Variants in COL25A1 observed in about 807,000 individuals in gnomAD.
COL25A1 encodes the protein collagen alpha-1(XXV) chain.
COL25A1 carries 103 observed loss-of-function variants against 128.4 expected under a neutral mutation model. The observed-to-expected ratio is 0.80, with a 90% CI of 0.68 to 0.94. The LOEUF (loss-of-function observed/expected upper bound fraction) is 0.94. Ranked by LOEUF, COL25A1 falls within the 40% of genes least tolerant of loss-of-function variation. The pLI is 0.00. For synonymous variants in COL25A1, 279 were observed against 277.2 expected, an observed-to-expected ratio of 1.01 and a Z score of -0.06; for missense variants, 745 against 840.0, an observed-to-expected ratio of 0.89 and a Z score of 1.40.
chr4:108,834,850 G>A (rs1478478070), intron 31 of COL25A1, among the ~76,000 whole-genome samples: 1 of 152,142 alleles, frequency 6.6e-6, no homozygotes, highest in African/African-American at 2.4e-5. Flanking sequence ...AAGAGCTCTG[G>A]TTATACTTGT....
intron 3 of COL25A1, among the ~76,000 whole-genome samples, chr4:109,296,726 C>T (rs1043855795): frequency 2.2e-4 from 34 of 151,954 alleles, no homozygotes; most frequent in African/African-American, 5.8e-4. Flanking sequence ...TTCTTTATTC[C>T]GCATCCACAT....
At chr4:109,162,155 CA>C (rs1772637748) in intron 3 of COL25A1, among the ~76,000 whole-genome samples, 1 of 152,006 alleles carries the variant, frequency 6.6e-6, no homozygotes, top group African/African-American at 2.4e-5. Flanking sequence ...GAAGATATAA[CA>C]GGGGAAATAT....
chr4:108,823,781 G>T, intron 35 of COL25A1: 1 of 450,630 alleles, frequency 2.2e-6, no homozygotes, highest in Non-Finnish European at 3.4e-6. Context: ...CTGGGAAGTA[G>T]TGAAGACAAG....
intron 3 of COL25A1, among the ~76,000 whole-genome samples, chr4:109,145,939 C>T (rs1324301601): frequency 9.2e-5 from 14 of 152,158 alleles, no homozygotes; most frequent in Non-Finnish European, 1.5e-5. Flanking sequence ...TATATTATCT[C>T]CATGCTACAG....
At chr4:108,837,683 C>A (rs963714885) in intron 31 of COL25A1, among the ~76,000 whole-genome samples, 2 of 152,128 alleles carry the variant, frequency 1.3e-5, no homozygotes, top group Non-Finnish European at 2.9e-5. Flanking sequence ...TCCATACCTG[C>A]CACCAACAGA....
At chr4:108,829,511 C>T (rs765300151) in intron 32 of COL25A1, among the ~76,000 whole-genome samples, 20 of 151,810 alleles carry the variant, frequency 1.3e-4, no homozygotes, top group Non-Finnish European at 2.6e-4. Context: ...AAGGGAGGAG[C>T]CACATAAACT....
intron 3 of COL25A1, among the ~76,000 whole-genome samples, chr4:109,059,293 A>T (rs575841712): frequency 3.9e-5 from 6 of 152,234 alleles, no homozygotes; most frequent in Non-Finnish European, 8.8e-5. Context: ...AACAGCACAT[A>T]GGTAGTAAAT....
At chr4:109,119,192 G>C (rs1162169084) in intron 3 of COL25A1, among the ~76,000 whole-genome samples, 1 of 152,056 alleles carries the variant, frequency 6.6e-6, no homozygotes, top group East Asian at 1.9e-4. Flanking sequence ...ACCAAAATTT[G>C]TGGAATGTAG....
intron 3 of COL25A1, among the ~76,000 whole-genome samples, chr4:109,254,022 G>C (rs1780860266): frequency 6.6e-6 from 1 of 151,506 alleles, no homozygotes; most frequent in African/African-American, 2.4e-5. Context: ...AGGAGGCAGA[G>C]CTTGCAGTGA....
chr4:108,816,747 A>T (rs1440388258), intron 37 of COL25A1, among the ~76,000 whole-genome samples: 1 of 152,138 alleles, frequency 6.6e-6, no homozygotes, highest in East Asian at 1.9e-4. Flanking sequence ...TTATGGAGTC[A>T]TTGTGTGGAT....
chr4:108,819,268 T>A lies in COL25A1; in HGVS notation c.1907A>T (p.Asp636Val). 2 of 1,610,770 alleles carry A rather than the reference T, an allele frequency of 1.2e-6. No individual in the cohort carries two copies. Among genetic ancestry groups the A allele is most frequent in the Non-Finnish European group, 1.7e-6 (2 of 1,178,850 alleles). ...ATACTGTACCAATTGGCAAGGGGCA[T>A]CCAGCCCATCCAGGCCAGGCTGGCC... ...EPGQPGLDGL[D>V]APCQLGPDGL... The change falls in exon 36 of 38, where the codon GAT becomes GTT. Residue 636 changes from aspartate (D) to valine (V), a missense_variant. By Grantham distance (152) the Asp-to-Val change is radical. Coordinates refer to ENST00000399132, the MANE Select transcript of COL25A1 (RefSeq NM_198721.4).
chr4:109,167,118 G>C lies in COL25A1; in HGVS notation c.368-116939C>G, dbSNP rs183078465. ...TGAAAATGAGAACATTGCCCTGTTA[G>C]ACAAATGTTCGTGAGGGTATTAAAT... On this transcript the variant is annotated intron_variant, in intron 3 of 37. Coordinates refer to ENST00000399132, the MANE Select transcript of COL25A1 (RefSeq NM_198721.4). 2.3e-3 allele frequency among the ~76,000 whole-genome samples: 345 copies of C among 152,234 alleles called. 1 individual carries two copies. The highest frequency in any genetic ancestry group is 7.6e-3 in the African/African-American group (317 of 41,550).
intron 6 of COL25A1, among the ~76,000 whole-genome samples, chr4:108,994,885 GAAGGAAAACTAACAAACAGAAAGGA>G (rs2126018705): frequency 6.6e-6 from 1 of 152,294 alleles, no homozygotes; most frequent in South Asian, 2.1e-4. Context: ...GGGCCTGTTA[GAAGGAAAACTAACAAACAGAAAGGA>G]ATAGCATCAA....
At chr4:109,275,294 AC>A (rs965880611) in intron 3 of COL25A1, among the ~76,000 whole-genome samples, 5 of 148,342 alleles carry the variant, frequency 3.4e-5, no homozygotes, top group Non-Finnish European at 7.5e-5. Context: ...CTGAAAAAGG[AC>A]CCCCTGTGAG....
At chr4:108,829,169 T>A (rs1732752546) in intron 32 of COL25A1, among the ~76,000 whole-genome samples, 1 of 152,192 alleles carries the variant, frequency 6.6e-6, no homozygotes, top group Non-Finnish European at 1.5e-5. Flanking sequence ...ATAAAAAATA[T>A]CTACAGCATA....
intron 3 of COL25A1, among the ~76,000 whole-genome samples, chr4:109,089,884 T>A (rs1579330427): frequency 1.3e-5 from 2 of 152,022 alleles, no homozygotes; most frequent in East Asian, 3.9e-4. Flanking sequence ...GGATTACAGG[T>A]GTGAGCCACC....
chr4:108,861,385 A>G (rs1737201256), intron 22 of COL25A1, among the ~76,000 whole-genome samples: 1 of 152,200 alleles, frequency 6.6e-6, no homozygotes, highest in African/African-American at 2.4e-5. Context: ...AAAAGTGTAG[A>G]TAGTTGGGAC....
At chr4:109,091,935 A>C (rs1259818836) in intron 3 of COL25A1, among the ~76,000 whole-genome samples, 1 of 152,226 alleles carries the variant, frequency 6.6e-6, no homozygotes, top group Non-Finnish European at 1.5e-5. Context: ...GATTAGCAGC[A>C]AGACCAAAGC....
At chr4:108,955,980 C>A (rs2125957571) in intron 8 of COL25A1, among the ~76,000 whole-genome samples, 1 of 151,626 alleles carries the variant, frequency 6.6e-6, no homozygotes, top group Non-Finnish European at 1.5e-5. Context: ...TGAGCATTTG[C>A]CAAAAAAAAA....
Sources: allele counts gnomAD v4.1 joint callset (sites outside exome capture counted in the v4.1 genomes callset), GRCh38; gene constraint gnomAD v4.1.1; transcripts MANE v1.5; gene names NCBI Gene and HGNC (gene_info 2026-07-23, HGNC 2026-07-21).